Variants in CNTN5 observed in about 807,000 individuals in gnomAD.
The protein encoded by CNTN5 is contactin 5, also known as contactin-5.
Under a neutral mutation model 129.1 loss-of-function variants are expected in CNTN5, and 77 were observed. The ratio of observed to expected loss-of-function variants is 0.60; its 90% CI spans 0.50 to 0.72. The LOEUF (loss-of-function observed/expected upper bound fraction) is 0.72. Among genes scored for constraint, CNTN5 ranks in the 30% least tolerant of loss-of-function variants. The pLI, the probability that CNTN5 is intolerant of heterozygous loss-of-function variation, is 0.00. For synonymous variants in CNTN5, 509 were observed against 465.6 expected (o/e 1.09, Z -1.20); for missense variants, 1,478 against 1,328.8 (o/e 1.11, Z -1.75).
chr11:99,714,696 G>A (rs190537636), intron 3 of CNTN5, among the ~76,000 whole-genome samples: 145 of 151,954 alleles, frequency 9.5e-4, no homozygotes, highest in Admixed American at 3.5e-3. Flanking sequence ...GAATAACGAG[G>A]TTCAAGCCAA....
intron 3 of CNTN5, among the ~76,000 whole-genome samples, chr11:99,577,701 T>A (rs1201425077): frequency 6.6e-6 from 1 of 152,126 alleles, no homozygotes; most frequent in Non-Finnish European, 1.5e-5. Context: ...GTAATTACCA[T>A]AGACATATAT....
At chr11:99,551,544 A>G (rs1311281665) in intron 2 of CNTN5, among the ~76,000 whole-genome samples, 2 of 152,210 alleles carry the variant, frequency 1.3e-5, no homozygotes, top group Non-Finnish European at 2.9e-5. Context: ...GGTAGTTGTT[A>G]TTAGGATAGT....
intron 4 of CNTN5, among the ~76,000 whole-genome samples, chr11:99,826,617 T>C (rs1003879449): frequency 2.0e-5 from 3 of 152,142 alleles, no homozygotes; most frequent in Non-Finnish European, 4.4e-5. Flanking sequence ...AAGTACATTA[T>C]AGATAAAAGA....
At chr11:99,318,506 G>A (rs941555968) in intron 1 of CNTN5, among the ~76,000 whole-genome samples, 2 of 151,758 alleles carry the variant, frequency 1.3e-5, no homozygotes, top group South Asian at 2.1e-4. Flanking sequence ...TAATGTGATG[G>A]CATCACATCA....
chr11:99,636,567 G>A (rs1374872167), intron 3 of CNTN5, among the ~76,000 whole-genome samples: 1 of 151,880 alleles, frequency 6.6e-6, no homozygotes, highest in African/African-American at 2.4e-5. Context: ...AGATTGAAGG[G>A]CAAAAGAAAT....
At chr11:99,131,790 G>A (rs1240362042) in intron 1 of CNTN5, among the ~76,000 whole-genome samples, 1 of 152,126 alleles carries the variant, frequency 6.6e-6, no homozygotes, top group Non-Finnish European at 1.5e-5. Context: ...CCCAGGCCCA[G>A]ATGGATTTAC....
At chr11:100,212,502 A>G (rs915024988) in intron 15 of CNTN5, among the ~76,000 whole-genome samples, 2 of 152,160 alleles carry the variant, frequency 1.3e-5, no homozygotes, top group African/African-American at 4.8e-5. Context: ...AATTTTTGTT[A>G]TTGCATAAAA....
chr11:99,367,343 G>A (rs190402829), intron 2 of CNTN5, among the ~76,000 whole-genome samples: 158 of 149,140 alleles, frequency 1.1e-3, no homozygotes, highest in South Asian at 3.0e-3. Context: ...GTTTGAAACA[G>A]TTTTTTTTTT....
chr11:99,578,021 T>C (rs1949421164), intron 3 of CNTN5, among the ~76,000 whole-genome samples: 1 of 138,704 alleles, frequency 7.2e-6, no homozygotes, highest in South Asian at 2.4e-4. Flanking sequence ...ATGTTCCCCT[T>C]CCAGTGTCCA....
At chr11:99,646,279 A>G (rs920169658) in intron 3 of CNTN5, among the ~76,000 whole-genome samples, 2 of 152,226 alleles carry the variant, frequency 1.3e-5, no homozygotes, top group African/African-American at 4.8e-5. Flanking sequence ...CCTTCTTTCT[A>G]TCTGGAAGGA....
chr11:99,305,809 C>T (rs1216057388), intron 1 of CNTN5, among the ~76,000 whole-genome samples: 1 of 151,564 alleles, frequency 6.6e-6, no homozygotes, highest in East Asian at 1.9e-4. Context: ...GGTGAAACCC[C>T]ATCTCTACTA....
chr11:99,808,572 C>T (rs1270134734), intron 3 of CNTN5, among the ~76,000 whole-genome samples: 4 of 152,122 alleles, frequency 2.6e-5, no homozygotes, highest in Non-Finnish European at 4.4e-5. Flanking sequence ...TGTAGGTCTG[C>T]TTTTGAAGAA....
intron 1 of CNTN5, among the ~76,000 whole-genome samples, chr11:99,162,073 C>T (rs1254464404): frequency 1.3e-5 from 2 of 152,086 alleles, no homozygotes; most frequent in Non-Finnish European, 2.9e-5. Flanking sequence ...CCCTAGACTA[C>T]CCTGGTTAAT....
At chr11:100,226,768 A>T (rs926099611) in intron 16 of CNTN5, among the ~76,000 whole-genome samples, 18 of 152,144 alleles carry the variant, frequency 1.2e-4, no homozygotes, top group African/African-American at 3.9e-4. Context: ...CTTTTAAAAA[A>T]TTTTGTAAGT....
chr11:99,820,066 T>G (rs1421873731), intron 4 of CNTN5, among the ~76,000 whole-genome samples: 4 of 152,176 alleles, frequency 2.6e-5, no homozygotes, highest in African/African-American at 9.7e-5. Context: ...TCTTGATGGT[T>G]TCATTTCAAA....
At chr11:99,146,044 T>C (rs548978829) in intron 1 of CNTN5, among the ~76,000 whole-genome samples, 1 of 152,282 alleles carries the variant, frequency 6.6e-6, no homozygotes, top group South Asian at 2.1e-4. Context: ...TTATTTTACA[T>C]ATAAACTTAA....
intron 23 of CNTN5, 56 bp from the exon 24 acceptor site, chr11:100,350,646 C>A: frequency 2.3e-6 from 3 of 1,325,642 alleles, no homozygotes; most frequent in South Asian, 1.4e-5. Context: ...AGTAGGCAGT[C>A]AATGTGCATT....
In CNTN5 at chr11:99,777,292, T is replaced by G. The variant is rs571450845; in HGVS notation, c.56-42252T>G. On this transcript the variant is annotated intron_variant, in intron 3 of 24. Transcript: ENST00000524871. Reference sequence around the variant, plus strand: ...CATGCTGCCCATGGATATTGAAATTTTTGACCATGATTACAAATGTTGTGC... The same window carrying G: ...CATGCTGCCCATGGATATTGAAATTGTTGACCATGATTACAAATGTTGTGC... Among the ~76,000 whole-genome samples, 32 of 151,948 alleles carry G rather than the reference T, an allele frequency of 2.1e-4. No homozygotes were observed. The South Asian group carries it at 4.6e-3, about 22-fold the overall frequency.
At chr11:99,021,982 C>T (rs950669541) in intron 1 of CNTN5, among the ~76,000 whole-genome samples, 6 of 152,082 alleles carry the variant, frequency 3.9e-5, no homozygotes, top group Admixed American at 2.0e-4. Flanking sequence ...TATTTATTTG[C>T]GAAAGAACCA....
Sources: gnomAD v4.1 joint callset for allele counts (sites outside exome capture counted in the v4.1 genomes callset) on GRCh38, gnomAD v4.1.1 for gene constraint, MANE v1.5 for transcripts, NCBI Gene and HGNC (gene_info 2026-07-23, HGNC 2026-07-21) for gene names.